Variants in TANC2 observed in about 807,000 individuals in gnomAD.
TANC2 encodes protein TANC2.
Under a neutral mutation model 210.5 loss-of-function variants are expected in TANC2, and 26 were observed. The observed-to-expected ratio is 0.12, with a 90% CI of 0.09 to 0.17. The LOEUF (loss-of-function observed/expected upper bound fraction) is 0.17, where lower values mean the gene tolerates loss of function less well. Ranked by LOEUF, TANC2 falls within the 10% of genes least tolerant of loss-of-function variation. The probability of loss-of-function intolerance (pLI) is 1.00; values close to 1 mark genes in which losing one functional copy is unlikely to be tolerated. For synonymous variants in TANC2, 931 were observed against 967.1 expected (o/e 0.96, Z 0.69); for missense variants, 2,129 against 2,608.9 (o/e 0.82, Z 4.01).
chr17:63,123,655 A>G (rs2038579339), intron 4 of TANC2, among the ~76,000 whole-genome samples: 3 of 148,258 alleles, frequency 2.0e-5, no homozygotes, highest in South Asian at 4.3e-4. Context: ...CGTAGAGAGT[A>G]TAGTTAAAAC....
In TANC2 at chr17:63,232,788, G is replaced by A. The variant is rs567944849; in HGVS notation, c.770-5026G>A. 2.0e-5 allele frequency among the ~76,000 whole-genome samples: 3 copies of A among 152,380 alleles called. No individual in the cohort carries two copies. The South Asian group carries it at 6.2e-4, about 32-fold the overall frequency. On this transcript the variant is annotated intron_variant, in intron 7 of 27. Coordinates refer to ENST00000689528, the Ensembl canonical transcript of TANC2. ...ACTCTGGCTGCCCCTTGGGCAGAGGGGGTGCACTGCACTGGGGGGAATCCC... is the reference window on the plus strand; with the variant it reads ...ACTCTGGCTGCCCCTTGGGCAGAGGAGGTGCACTGCACTGGGGGGAATCCC...
chr17:63,381,424 CT>C (rs1317933782), intron 15 of TANC2: 1 of 152,198 alleles, frequency 6.6e-6, no homozygotes. Flanking sequence ...TTACAGGATC[CT>C]TTAAATGCAG....
chr17:63,188,529 G>A (rs776796775), intron 5 of TANC2, among the ~76,000 whole-genome samples: 2 of 149,528 alleles, frequency 1.3e-5, no homozygotes, highest in Non-Finnish European at 3.0e-5. Context: ...GGAGGCGGAG[G>A]TTGCAGTGAG....
At chr17:62,996,003 G>C (rs540573660) in intron 1 of TANC2, among the ~76,000 whole-genome samples, 3 of 152,192 alleles carry the variant, frequency 2.0e-5, no homozygotes, top group African/African-American at 7.2e-5. Context: ...CTTAAAGAAG[G>C]CCTTTCTTGA....
chr17:63,213,115 C>G (rs187377821), intron 7 of TANC2, among the ~76,000 whole-genome samples: 1 of 152,128 alleles, frequency 6.6e-6, no homozygotes, highest in East Asian at 1.9e-4. Flanking sequence ...ATAGTGAAAC[C>G]CATTACTACC....
chr17:63,071,745 T>A (rs2036404969), intron 2 of TANC2, among the ~76,000 whole-genome samples: 1 of 152,190 alleles, frequency 6.6e-6, no homozygotes, highest in Non-Finnish European at 1.5e-5. Context: ...CATAACCTGC[T>A]TTGTTAGAAT....
intron 11 of TANC2, among the ~76,000 whole-genome samples, chr17:63,325,977 C>T (rs545833753): frequency 1.5e-4 from 23 of 152,298 alleles, no homozygotes; most frequent in African/African-American, 5.1e-4. Flanking sequence ...TATTTGTTAT[C>T]GGCCCTAACC....
At chr17:63,243,169 A>C (rs2042821783) in intron 8 of TANC2, among the ~76,000 whole-genome samples, 2 of 152,314 alleles carry the variant, frequency 1.3e-5, no homozygotes, top group Non-Finnish European at 2.9e-5. Context: ...GCTATACCCA[A>C]ACCCACAAAA....
chr17:63,151,276 T>C, exon 5 of TANC2: 1 of 985,660 alleles, frequency 1.0e-6, no homozygotes, highest in Non-Finnish European at 1.2e-6. Context: ...TTAGCCCCTC[T>C]GAGGAAGGCA....
chr17:63,351,201 C>A, intron 12 of TANC2, 49 bp from the exon 13 acceptor site: 2 of 1,491,584 alleles, frequency 1.3e-6, no homozygotes, highest in South Asian at 2.6e-5. Flanking sequence ...AGTAAGAACT[C>A]ATTTATCCAC....
At chr17:63,153,122 C>T (rs1297825882) in intron 5 of TANC2, 1 of 152,012 alleles carries the variant, frequency 6.6e-6, no homozygotes, top group Non-Finnish European at 1.5e-5. Context: ...GAATGGTAAC[C>T]TGAGGGTTGA....
intron 5 of TANC2, among the ~76,000 whole-genome samples, chr17:63,185,799 T>C (rs1201500151): frequency 6.6e-6 from 1 of 152,218 alleles, no homozygotes; most frequent in Non-Finnish European, 1.5e-5. Flanking sequence ...GATATTCTCT[T>C]TTGTAAATCC....
At chr17:63,351,503 C>A in intron 13 of TANC2, 87 bp downstream of exon 13, 2 of 1,090,478 alleles carry the variant, frequency 1.8e-6, no homozygotes, top group South Asian at 1.9e-5. Context: ...GTTTCATAAA[C>A]TTCTACTATG....
At chr17:63,017,190 T>G (rs1398386930) in intron 2 of TANC2, among the ~76,000 whole-genome samples, 1 of 152,200 alleles carries the variant, frequency 6.6e-6, no homozygotes, top group Non-Finnish European at 1.5e-5. Context: ...GAGACTATTC[T>G]TTCTCTACTG....
chr17:63,380,276 C>T (rs1166160318), intron 15 of TANC2, among the ~76,000 whole-genome samples: 6 of 152,184 alleles, frequency 3.9e-5, no homozygotes, highest in Non-Finnish European at 7.3e-5. Flanking sequence ...GGAGCTACTT[C>T]CCCCAAATCT....
intron 9 of TANC2, among the ~76,000 whole-genome samples, chr17:63,301,106 C>G (rs183067545): frequency 6.6e-6 from 1 of 152,276 alleles, no homozygotes; most frequent in Admixed American, 6.5e-5. Flanking sequence ...GCTGAACCAG[C>G]CTTGCATCCC....
At chr17:63,318,648 G>T (rs1196756710) in intron 10 of TANC2, among the ~76,000 whole-genome samples, 1 of 152,102 alleles carries the variant, frequency 6.6e-6, no homozygotes, top group African/African-American at 2.4e-5. Flanking sequence ...ATTTTCAAGG[G>T]TTTATCCCCG....
At chr17:62,968,901 G>A (rs1021850049) in intron 1 of TANC2, among the ~76,000 whole-genome samples, 1 of 152,106 alleles carries the variant, frequency 6.6e-6, no homozygotes, top group Non-Finnish European at 1.5e-5. Context: ...CAGGAAGAGG[G>A]TGCAATACAA....
chr17:63,106,198 G>A lies in TANC2; in HGVS notation c.322+6841G>A, dbSNP rs1489630971. Among the ~76,000 whole-genome samples, 3 of 151,520 alleles carry A rather than the reference G, an allele frequency of 2.0e-5. 1 individual carries two copies. Among genetic ancestry groups the A allele is most frequent in the African/African-American group, 7.3e-5 (3 of 40,866 alleles). ...TGTAGTCTTCCAAATCAAAAGTAGA[G>A]AATGTTAGAGGGTTATTACTTAATT... On this transcript the variant is annotated intron_variant, in intron 4 of 27. Coordinates refer to ENST00000689528, the Ensembl canonical transcript of TANC2.
Sources: gnomAD v4.1 joint callset for allele counts (sites outside exome capture counted in the v4.1 genomes callset) on GRCh38, gnomAD v4.1.1 for gene constraint, MANE v1.5 for transcripts, NCBI Gene and HGNC (gene_info 2026-07-23, HGNC 2026-07-21) for gene names.